The following ZCCHC9 variants were observed in gnomAD, a reference collection of about 807,000 sequenced individuals.
ZCCHC9 encodes zinc finger CCHC domain-containing protein 9.
A neutral mutation model predicts 30.8 loss-of-function variants in ZCCHC9; 18 were observed. The ratio of observed to expected loss-of-function variants is 0.58; its 90% CI spans 0.40 to 0.87. The LOEUF (loss-of-function observed/expected upper bound fraction) is 0.87. ZCCHC9 is among the 40% of genes least tolerant of loss of function. The pLI is 0.00. For missense variants in ZCCHC9, 279 were observed against 331.2 expected (o/e 0.84, Z 1.22); for synonymous variants, 94 against 106.7 (o/e 0.88, Z 0.73).
chr5:81,305,608 A>G (rs990525532), intron 2 of ZCCHC9, among the ~76,000 whole-genome samples: 1 of 150,634 alleles, frequency 6.6e-6, no homozygotes, highest in Admixed American at 6.6e-5. Context: ...AAAAAAAAAA[A>G]AAAATTAGCC....
At chr5:81,306,129 C>T (rs552444290) in intron 2 of ZCCHC9, among the ~76,000 whole-genome samples, 7 of 152,218 alleles carry the variant, frequency 4.6e-5, no homozygotes, top group African/African-American at 1.7e-4. Context: ...TAATTATTTC[C>T]CTTCTCTAAG....
intron 2 of ZCCHC9, among the ~76,000 whole-genome samples, chr5:81,307,825 C>T (rs11739834): frequency 0.082 from 12,429 of 151,006 alleles, 573 homozygotes; most frequent in Middle Eastern, 0.19. Context: ...GGTGAAACCC[C>T]GTCTCCACTA....
intron 3 of ZCCHC9, 103 bp from the exon 4 acceptor site, chr5:81,308,843 A>G (rs1758174989): frequency 1.5e-6 from 2 of 1,377,432 alleles, no homozygotes. Flanking sequence ...TTAAATTTTA[A>G]GTTATGTAAA....
chr5:81,311,069 T>C, intron 4 of ZCCHC9, 142 bp from the exon 5 acceptor site: 1 of 783,114 alleles, frequency 1.3e-6, no homozygotes, highest in Non-Finnish European at 2.2e-6. Flanking sequence ...ATAGGAATAG[T>C]GGCACCTCCC....
At chr5:81,308,853 A>G in intron 3 of ZCCHC9, 93 bp from the exon 4 acceptor site, 1 of 1,388,020 alleles carries the variant, frequency 7.2e-7, no homozygotes, top group Non-Finnish European at 9.7e-7. Context: ...AGTTATGTAA[A>G]TATATTTTTT....
At chr5:81,304,230 T>C (rs1049910338) in intron 1 of ZCCHC9, 1 of 152,504 alleles carries the variant, frequency 6.6e-6, no homozygotes, top group South Asian at 2.1e-4. Context: ...GTTTTACTTA[T>C]AACTTTGCCA....
Position 81,308,879 on chromosome 5 carries a change from AAAT to A in ZCCHC9, c.536-63_536-61del, listed in dbSNP as rs1758176624. 1.6e-5 allele frequency: 24 copies of A among 1,455,298 alleles called. No homozygotes were observed. In the South Asian group the frequency reaches 2.7e-4, roughly 17 times the overall value. The allele number at this position is 1,455,298 out of a possible 1,614,324, so 90.1% of individuals were successfully genotyped here. A position where few individuals can be genotyped will look rare whatever the true frequency, so the allele number is the denominator to read the frequency against. On this transcript the variant is annotated intron_variant, in intron 3 of 5. Coordinates refer to ENST00000407610, the MANE Select transcript of ZCCHC9 (RefSeq NM_001131035.2). ...TATATTTTTTATTCAGAGTATTTTA[AAAT>A]AATGTTAATTTTATGACTTGCCATA...
chr5:81,305,259 C>T, intron 2 of ZCCHC9, 118 bp downstream of exon 2: 1 of 1,381,350 alleles, frequency 7.2e-7, no homozygotes, highest in Non-Finnish European at 9.7e-7. Flanking sequence ...ATTTATAGAG[C>T]ATCGTTTTAA....
chr5:81,308,529 G>A (rs2112874628), intron 2 of ZCCHC9, 32 bp from the exon 3 acceptor site: 3 of 1,579,852 alleles, frequency 1.9e-6, no homozygotes, highest in Middle Eastern at 3.7e-4. Flanking sequence ...GTATAGTTTT[G>A]CAGCGTGCCA....
intron 4 of ZCCHC9, among the ~76,000 whole-genome samples, chr5:81,310,947 G>C (rs1437424408): frequency 6.6e-6 from 1 of 152,180 alleles, no homozygotes; most frequent in Non-Finnish European, 1.5e-5. Context: ...TTGAACAAGT[G>C]CCTTCCATCA....
intron 4 of ZCCHC9, among the ~76,000 whole-genome samples, chr5:81,310,780 T>C (rs1407524998): frequency 6.6e-6 from 1 of 152,200 alleles, no homozygotes; most frequent in Non-Finnish European, 1.5e-5. Flanking sequence ...AGTAGAACAG[T>C]AGTTTCTAAT....
chr5:81,301,791 T>G (rs984290792), intron 1 of ZCCHC9, 93 bp downstream of exon 1: 2 of 152,726 alleles, frequency 1.3e-5, no homozygotes, highest in Admixed American at 6.5e-5. Flanking sequence ...GACAGAAGGC[T>G]TAGCCGCTGG....
In ZCCHC9 at chr5:81,304,898, A is replaced by C. The variant is rs1338546360; in HGVS notation, c.141A>C (p.Leu47=). 1 of 1,614,190 alleles carries C rather than the reference A, an allele frequency of 6.2e-7. No individual in the cohort carries two copies. Among genetic ancestry groups the C allele is most frequent in the Admixed American group, 1.7e-5 (1 of 60,024 alleles). The change falls in exon 2 of 6, where the codon CTA becomes CTC. Residue 47 remains leucine (L), a synonymous_variant. Coordinates refer to ENST00000407610, the MANE Select transcript of ZCCHC9 (RefSeq NM_001131035.2). ...GTAAACAACTTGAAGCCAATAGGCTATCCCTCAAAAATGATGCACCCCAAG... is the reference window on the plus strand; with the variant it reads ...GTAAACAACTTGAAGCCAATAGGCTCTCCCTCAAAAATGATGCACCCCAAG... ...PKRKQLEANR[L]SLKNDAPQAK...
intron 2 of ZCCHC9, among the ~76,000 whole-genome samples, chr5:81,305,549 G>A (rs1282823337): frequency 6.7e-6 from 1 of 150,168 alleles, no homozygotes; most frequent in Admixed American, 6.7e-5. Flanking sequence ...CTTGAGCCCA[G>A]GAATTAAAGA....
intron 2 of ZCCHC9, among the ~76,000 whole-genome samples, chr5:81,306,204 CTTTTAT>C (rs894866144): frequency 1.7e-4 from 26 of 152,158 alleles, no homozygotes; most frequent in African/African-American, 6.0e-4. Flanking sequence ...AGTTATTATA[CTTTTAT>C]TTTTTATTAG....
At position 81,310,365 on chromosome 5, in the gene ZCCHC9, G is replaced by T. The variant is rs1243559947; in HGVS notation, c.629-846G>T. 3.3e-5 allele frequency among the ~76,000 whole-genome samples: 5 copies of T among 152,024 alleles called. No individual in the cohort carries two copies. The East Asian group carries it at 9.7e-4, about 29-fold the overall frequency. ...TACATTTTTGTATGGTACATTTGAT[G>T]TATATAGAATTAGTACTTTATTTTT... On this transcript the variant is annotated intron_variant, in intron 4 of 5. Coordinates refer to ENST00000407610, the MANE Select transcript of ZCCHC9 (RefSeq NM_001131035.2).
At chr5:81,305,213 A>T in intron 2 of ZCCHC9, 72 bp downstream of exon 2, 1 of 1,514,210 alleles carries the variant, frequency 6.6e-7, no homozygotes, top group Non-Finnish European at 8.8e-7. Context: ...ACACACATAT[A>T]TACCTTAGCC....
Position 81,312,711 on chromosome 5 carries a change from C to A in ZCCHC9, c.*49C>A. The stretch of plus-strand genomic sequence containing the variant: ...TACTACCTCATTGTTACTTTCTAAA[C>A]CAGGCCCGCTTCACGAGTTAGAGTT... On this transcript the variant is annotated 3_prime_UTR_variant, in exon 6 of 6. Transcript: ENST00000407610. 1 of 1,381,282 alleles carries A rather than the reference C, an allele frequency of 7.2e-7. No individual in the cohort carries two copies. The highest frequency in any genetic ancestry group is 1.0e-6 in the Non-Finnish European group (1 of 974,510). 85.6% of individuals were successfully genotyped at this position (1,381,282 alleles called of 1,614,324 possible). A position where few individuals can be genotyped will look rare whatever the true frequency, so the allele number is the denominator to read the frequency against.
At position 81,311,295 on chromosome 5, in the gene ZCCHC9, C is replaced by G. The variant is rs1758277064; in HGVS notation, c.697+16C>G. The G allele has an allele frequency of 1.2e-6, 2 of 1,613,000 alleles. No individual in the cohort carries two copies. Among genetic ancestry groups the G allele is most frequent in the South Asian group, 2.2e-5 (2 of 91,058 alleles). ...CAGAATTCAGGTGAGATCTCTGGGC[C>G]TCTACTTAGAAGGGGTGAGATTAGT... On this transcript the variant is annotated intron_variant, in intron 5 of 5. Coordinates refer to ENST00000407610, the MANE Select transcript of ZCCHC9 (RefSeq NM_001131035.2).
Sources: allele counts gnomAD v4.1 joint callset (sites outside exome capture counted in the v4.1 genomes callset), GRCh38; gene constraint gnomAD v4.1.1; transcripts MANE v1.5; gene names NCBI Gene and HGNC (gene_info 2026-07-23, HGNC 2026-07-21).